Variants in CPNE4 observed in about 807,000 individuals in gnomAD.
CPNE4 encodes copine 4.
Under a neutral mutation model 67.9 loss-of-function variants are expected in CPNE4, and 25 were observed. The ratio of observed to expected loss-of-function variants is 0.37; its 90% CI spans 0.27 to 0.51. The LOEUF (loss-of-function observed/expected upper bound fraction) is 0.51, where lower values mean the gene tolerates loss of function less well. CPNE4 is among the 20% of genes least tolerant of loss of function. CPNE4 has a pLI of 0.93. For missense variants in CPNE4, 464 were observed against 690.8 expected (o/e 0.67, Z 3.68); for synonymous variants, 242 against 244.9 (o/e 0.99, Z 0.11).
chr3:131,833,592 A>T (rs747605125), intron 2 of CPNE4, among the ~76,000 whole-genome samples: 9 of 152,174 alleles, frequency 5.9e-5, no homozygotes, highest in African/African-American at 9.6e-5. Context: ...GCTACTGGTC[A>T]GGGGGCTGAG....
chr3:131,601,850 TGCG>T (rs1263087549), intron 7 of CPNE4, among the ~76,000 whole-genome samples: 11 of 152,028 alleles, frequency 7.2e-5, no homozygotes, highest in African/African-American at 1.9e-4. Flanking sequence ...CCCTAGGAGA[TGCG>T]GGGGATGTTG....
At chr3:131,808,989 A>G (rs1224237012) in intron 2 of CPNE4, among the ~76,000 whole-genome samples, 2 of 152,206 alleles carry the variant, frequency 1.3e-5, no homozygotes, top group Admixed American at 6.5e-5. Flanking sequence ...CTAATGATAC[A>G]GAACATCTCT....
intron 2 of CPNE4, among the ~76,000 whole-genome samples, chr3:131,753,281 G>C (rs2137604): frequency 0.97 from 146,906 of 151,942 alleles, 71,194 homozygotes; most frequent in East Asian, 1. Flanking sequence ...TCTAGAGACC[G>C]TAAATTCTCA....
intron 5 of CPNE4, among the ~76,000 whole-genome samples, chr3:131,693,186 G>T (rs1391586788): frequency 6.6e-6 from 1 of 152,138 alleles, no homozygotes; most frequent in Non-Finnish European, 1.5e-5. Flanking sequence ...ACTGTGGTTT[G>T]CAAAAGTACT....
chr3:131,649,560 C>T (rs936155124), intron 7 of CPNE4, among the ~76,000 whole-genome samples: 1 of 152,170 alleles, frequency 6.6e-6, no homozygotes, highest in African/African-American at 2.4e-5. Flanking sequence ...TTTCTAATCT[C>T]CAGGCTGACG....
intron 3 of CPNE4, 97 bp from the exon 4 acceptor site, chr3:131,700,077 T>TTTTTTTTTTTTTTA (rs2081258949): frequency 1.8e-6 from 1 of 552,478 alleles, no homozygotes; most frequent in Non-Finnish European, 2.9e-6. Flanking sequence ...TTTTTTTTTT[T>TTTTTTTTTTTTTTA]ACAAAACTCT....
At chr3:131,742,246 G>T (rs1025511702) in intron 2 of CPNE4, among the ~76,000 whole-genome samples, 2 of 152,166 alleles carry the variant, frequency 1.3e-5, no homozygotes, top group African/African-American at 4.8e-5. Context: ...CAACAATAAG[G>T]CTGGATAAGG....
At chr3:131,734,821 G>A (rs983207885) in intron 2 of CPNE4, among the ~76,000 whole-genome samples, 2 of 152,144 alleles carry the variant, frequency 1.3e-5, no homozygotes, top group African/African-American at 4.8e-5. Context: ...ATCCCAGGGA[G>A]TCGAGGCTGC....
At chr3:131,555,376 C>G in intron 12 of CPNE4, 121 bp downstream of exon 12, 1 of 746,764 alleles carries the variant, frequency 1.3e-6, no homozygotes, top group Admixed American at 2.8e-5. Flanking sequence ...CAATTTCTGA[C>G]TCTGTAGGCC....
chr3:132,005,066 C>T (rs1344398793), intron 1 of CPNE4, among the ~76,000 whole-genome samples: 1 of 151,704 alleles, frequency 6.6e-6, no homozygotes, highest in Admixed American at 6.6e-5. Context: ...ATGTGTGGCT[C>T]TTCAATGACA....
At chr3:131,548,765 C>G (rs1936013019) in intron 14 of CPNE4, among the ~76,000 whole-genome samples, 1 of 152,104 alleles carries the variant, frequency 6.6e-6, no homozygotes, top group African/African-American at 2.4e-5. Context: ...CCTATAATGT[C>G]TTCTAAGCCA....
At chr3:131,560,706 T>C (rs1484477238) in intron 11 of CPNE4, among the ~76,000 whole-genome samples, 1 of 152,022 alleles carries the variant, frequency 6.6e-6, no homozygotes, top group Non-Finnish European at 1.5e-5. Flanking sequence ...TGTTTGGGGC[T>C]TAAATAGATG....
chr3:131,894,483 G>A (rs1560554630), intron 2 of CPNE4, among the ~76,000 whole-genome samples: 1 of 151,068 alleles, frequency 6.6e-6, no homozygotes, highest in Admixed American at 6.6e-5. Flanking sequence ...CCTAACAAAG[G>A]GTTAATATTC....
intron 7 of CPNE4, among the ~76,000 whole-genome samples, chr3:131,605,111 C>A (rs147886749): frequency 6.6e-6 from 1 of 152,070 alleles, no homozygotes; most frequent in African/African-American, 2.4e-5. Context: ...GATTATTAAG[C>A]TAGAAAGGGA....
chr3:131,927,238 T>A (rs945125594), intron 1 of CPNE4, among the ~76,000 whole-genome samples: 6 of 152,156 alleles, frequency 3.9e-5, no homozygotes, highest in African/African-American at 1.4e-4. Context: ...TTTCAGAGAG[T>A]CATGCATCTG....
intron 7 of CPNE4, among the ~76,000 whole-genome samples, chr3:131,596,432 C>T (rs1400943796): frequency 7.0e-6 from 1 of 142,840 alleles, no homozygotes; most frequent in South Asian, 2.3e-4. Context: ...ACCATCCCGG[C>T]TAAAACGGTG....
chr3:131,985,781 G>T (rs1200988470), intron 1 of CPNE4: 1 of 153,758 alleles, frequency 6.5e-6, no homozygotes, highest in South Asian at 2.0e-4. Context: ...GTGAGATGCT[G>T]TAATAAAAGC....
At chr3:131,744,238 TA>T (rs1362582908) in intron 2 of CPNE4, among the ~76,000 whole-genome samples, 67 of 152,024 alleles carry the variant, frequency 4.4e-4, no homozygotes, top group Admixed American at 1.6e-3. Context: ...GAAAACAAAA[TA>T]AAAAATATAG....
At chr3:131,676,650 T>C (rs1001628163) in intron 6 of CPNE4, among the ~76,000 whole-genome samples, 1 of 152,202 alleles carries the variant, frequency 6.6e-6, no homozygotes, top group Non-Finnish European at 1.5e-5. Context: ...CTTCTGTTCA[T>C]GCATTAGTTT....
Sources: allele counts gnomAD v4.1 joint callset (sites outside exome capture counted in the v4.1 genomes callset), GRCh38; gene constraint gnomAD v4.1.1; transcripts MANE v1.5; gene names NCBI Gene and HGNC (gene_info 2026-07-23, HGNC 2026-07-21).